ROBO2: variants seen among roughly 807,000 people sequenced by gnomAD.
The protein encoded by ROBO2 is roundabout homolog 2.
In ROBO2, 53 loss-of-function variants were observed where a neutral mutation model predicts 160.8. The observed-to-expected ratio is 0.33, with a 90% CI of 0.26 to 0.41. ROBO2 has a LOEUF of 0.41. Among genes scored for constraint, ROBO2 ranks in the 10% least tolerant of loss-of-function variants. The pLI is 1.00. For missense variants in ROBO2, 1,577 were observed against 1,722.4 expected, an observed-to-expected ratio of 0.92 and a Z score of 1.49; for synonymous variants, 664 against 611.7, an observed-to-expected ratio of 1.09 and a Z score of -1.26.
chr3:77,397,014 A>G (rs1336361406), intron 2 of ROBO2, among the ~76,000 whole-genome samples: 1 of 152,136 alleles, frequency 6.6e-6, no homozygotes, highest in African/African-American at 2.4e-5. Flanking sequence ...CAAATACTTA[A>G]AGGATATTTA....
chr3:76,039,514 TAAG>T (rs2067218472), intron 2 of ROBO2, among the ~76,000 whole-genome samples: 1 of 151,916 alleles, frequency 6.6e-6, no homozygotes, highest in Admixed American at 6.5e-5. Context: ...TCTACTCTCT[TAAG>T]AAAAAAACCA....
intron 2 of ROBO2, among the ~76,000 whole-genome samples, chr3:76,286,788 A>G (rs1309806815): frequency 6.6e-6 from 1 of 152,208 alleles, no homozygotes; most frequent in Non-Finnish European, 1.5e-5. Context: ...CGGTAGTTGC[A>G]TACATGATTG....
At chr3:76,083,796 C>G (rs1399292149) in intron 2 of ROBO2, among the ~76,000 whole-genome samples, 2 of 151,448 alleles carry the variant, frequency 1.3e-5, no homozygotes, top group African/African-American at 2.4e-5. Flanking sequence ...AGCGTGTAGA[C>G]TTTCTCAGGT....
chr3:76,889,134 T>G (rs2074146550), intron 2 of ROBO2, among the ~76,000 whole-genome samples: 1 of 152,178 alleles, frequency 6.6e-6, no homozygotes. Context: ...TGATAGTTGT[T>G]GAGAATCTGA....
At chr3:76,102,209 A>C (rs147472844) in intron 2 of ROBO2, among the ~76,000 whole-genome samples, 53 of 152,352 alleles carry the variant, frequency 3.5e-4, no homozygotes, top group African/African-American at 1.3e-3. Flanking sequence ...CTGAAATCAC[A>C]TCAGATTTTG....
intron 2 of ROBO2, chr3:77,316,915 T>C (rs2064051422): frequency 2.5e-6 from 3 of 1,194,522 alleles, no homozygotes; most frequent in Non-Finnish European, 3.8e-6. Context: ...GAAGCAGGCA[T>C]GAGGGTCAGT....
intron 2 of ROBO2, among the ~76,000 whole-genome samples, chr3:76,566,284 A>G (rs576367343): frequency 1.3e-5 from 2 of 152,314 alleles, no homozygotes; most frequent in Admixed American, 6.5e-5. Context: ...CTGAATAAAC[A>G]GAGGGTTTCT....
chr3:76,715,043 A>G (rs891912087), intron 2 of ROBO2, among the ~76,000 whole-genome samples: 7 of 152,148 alleles, frequency 4.6e-5, no homozygotes, highest in African/African-American at 1.7e-4. Flanking sequence ...TTTATTGTAA[A>G]TTATGGGATG....
chr3:76,542,278 T>G (rs934165270), intron 2 of ROBO2, among the ~76,000 whole-genome samples: 2 of 152,146 alleles, frequency 1.3e-5, no homozygotes, highest in African/African-American at 4.8e-5. Context: ...TGCAGGAATG[T>G]ATAATAGTGA....
exon 22 of ROBO2, chr3:77,617,726 G>A (rs1286876080): frequency 6.2e-7 from 1 of 1,613,904 alleles, no homozygotes; most frequent in Non-Finnish European, 8.5e-7. Flanking sequence ...AGGCTCACCT[G>A]GATGAGTTGA....
intron 2 of ROBO2, among the ~76,000 whole-genome samples, chr3:76,115,241 A>G (rs1009333972): frequency 6.6e-6 from 1 of 152,106 alleles, no homozygotes; most frequent in Non-Finnish European, 1.5e-5. Flanking sequence ...TACTTCTAAT[A>G]AATTCCCCTT....
intron 2 of ROBO2, among the ~76,000 whole-genome samples, chr3:77,197,940 G>A (rs1312395826): frequency 6.6e-6 from 1 of 152,132 alleles, no homozygotes; most frequent in African/African-American, 2.4e-5. Flanking sequence ...GGGGGTGAGG[G>A]GGAATGAGCT....
intron 2 of ROBO2, among the ~76,000 whole-genome samples, chr3:76,241,889 G>C (rs1705311124): frequency 6.6e-6 from 1 of 152,054 alleles, no homozygotes; most frequent in South Asian, 2.1e-4. Context: ...TTTCATGATG[G>C]AATTGTGAAT....
chr3:76,291,030 T>A (rs1279749297), intron 2 of ROBO2, among the ~76,000 whole-genome samples: 1 of 152,302 alleles, frequency 6.6e-6, no homozygotes, highest in East Asian at 1.9e-4. Flanking sequence ...TGCAGGGTTT[T>A]GCTATCAGAA....
chr3:76,711,690 A>G (rs1348288184), intron 2 of ROBO2, among the ~76,000 whole-genome samples: 4 of 152,182 alleles, frequency 2.6e-5, no homozygotes, highest in Non-Finnish European at 5.9e-5. Context: ...AGATAGCCAC[A>G]CGGTGCTGGG....
At chr3:77,018,473 G>T (rs1448127390) in intron 2 of ROBO2, among the ~76,000 whole-genome samples, 2 of 152,112 alleles carry the variant, frequency 1.3e-5, no homozygotes, top group Admixed American at 6.5e-5. Flanking sequence ...TTGATAATGA[G>T]GTACTTAGGT....
At chr3:76,058,155 C>T (rs1427684951) in intron 2 of ROBO2, among the ~76,000 whole-genome samples, 16 of 151,742 alleles carry the variant, frequency 1.1e-4, no homozygotes, top group African/African-American at 3.9e-4. Context: ...GCAGAATGTG[C>T]AGGTTTGTTA....
intron 2 of ROBO2, among the ~76,000 whole-genome samples, chr3:76,059,958 G>T (rs1056458469): frequency 5.3e-5 from 8 of 152,144 alleles, no homozygotes. Flanking sequence ...TCAGATGGTT[G>T]TAGATGTGTG....
intron 2 of ROBO2, among the ~76,000 whole-genome samples, chr3:76,447,234 T>A (rs1446608297): frequency 1.3e-5 from 2 of 152,052 alleles, no homozygotes; most frequent in African/African-American, 4.8e-5. Flanking sequence ...GGGTGAAGGA[T>A]ATGAACAGAC....
Sources: gnomAD v4.1 joint callset for allele counts (sites outside exome capture counted in the v4.1 genomes callset) on GRCh38, gnomAD v4.1.1 for gene constraint, MANE v1.5 for transcripts, NCBI Gene and HGNC (gene_info 2026-07-23, HGNC 2026-07-21) for gene names.